IMMP2L: variants seen among roughly 807,000 people sequenced by gnomAD.
The protein encoded by IMMP2L is inner mitochondrial membrane peptidase subunit 2.
A neutral mutation model predicts 19.3 loss-of-function variants in IMMP2L; 18 were observed. That is an observed-to-expected ratio of 0.93 (90% CI 0.64 to 1.38). IMMP2L has a LOEUF of 1.38. Among genes scored for constraint, IMMP2L ranks in the 40% most tolerant of loss-of-function variants. IMMP2L has a pLI of 0.00. For synonymous variants in IMMP2L, 76 were observed against 73.0 expected, an observed-to-expected ratio of 1.04 and a Z score of -0.21; for missense variants, 233 against 218.2, an observed-to-expected ratio of 1.07 and a Z score of -0.43.
chr7:110,802,013 T>G (rs1026639911), intron 5 of IMMP2L, among the ~76,000 whole-genome samples: 2 of 152,034 alleles, frequency 1.3e-5, no homozygotes, highest in African/African-American at 4.8e-5. Flanking sequence ...TATGTCTCCA[T>G]GAAATACATG....
chr7:111,418,139 T>A (rs990609968), intron 3 of IMMP2L, among the ~76,000 whole-genome samples: 8 of 151,934 alleles, frequency 5.3e-5, no homozygotes, highest in African/African-American at 1.9e-4. Flanking sequence ...AATATTATTA[T>A]GATAATGTCA....
chr7:111,185,679 T>C (rs1808192502), intron 3 of IMMP2L, among the ~76,000 whole-genome samples: 1 of 152,122 alleles, frequency 6.6e-6, no homozygotes, highest in African/African-American at 2.4e-5. Context: ...ATGAAAAGAA[T>C]AGCAAGGAGA....
At chr7:110,973,908 G>T (rs1820418855) in intron 3 of IMMP2L, among the ~76,000 whole-genome samples, 1 of 152,052 alleles carries the variant, frequency 6.6e-6, no homozygotes. Context: ...TTTCTTTAAA[G>T]AAAGAGTGGG....
intron 3 of IMMP2L, among the ~76,000 whole-genome samples, chr7:111,267,364 T>C (rs1414277036): frequency 3.9e-5 from 6 of 152,204 alleles, no homozygotes. Flanking sequence ...ATTTATTCAA[T>C]GTCATTATTT....
chr7:111,242,287 T>C (rs1704113383), intron 3 of IMMP2L, among the ~76,000 whole-genome samples: 1 of 152,090 alleles, frequency 6.6e-6, no homozygotes, highest in Admixed American at 6.6e-5. Context: ...AGCAGAAGTA[T>C]ATCAGCTAGG....
At chr7:111,090,177 T>C (rs963810859) in intron 3 of IMMP2L, among the ~76,000 whole-genome samples, 2 of 152,148 alleles carry the variant, frequency 1.3e-5, no homozygotes, top group Non-Finnish European at 2.9e-5. Flanking sequence ...TCATGTATGT[T>C]CTTTCAGAAA....
At chr7:111,364,041 A>G (rs1229629726) in intron 3 of IMMP2L, among the ~76,000 whole-genome samples, 1 of 151,954 alleles carries the variant, frequency 6.6e-6, no homozygotes, top group Non-Finnish European at 1.5e-5. Flanking sequence ...TACACATACA[A>G]TGGGCAAAGG....
chr7:110,687,791 T>G (rs2130509718), intron 5 of IMMP2L, among the ~76,000 whole-genome samples: 1 of 152,076 alleles, frequency 6.6e-6, no homozygotes, highest in Non-Finnish European at 1.5e-5. Flanking sequence ...CAAAAATATA[T>G]CCCTACTCAC....
intron 2 of IMMP2L, among the ~76,000 whole-genome samples, chr7:111,501,157 C>T (rs1186050537): frequency 4.6e-5 from 7 of 151,962 alleles, no homozygotes; most frequent in African/African-American, 1.7e-4. Context: ...AGCCAAGGCT[C>T]GAGAACTACG....
At chr7:111,497,971 G>A (rs899651431) in intron 2 of IMMP2L, among the ~76,000 whole-genome samples, 1 of 151,524 alleles carries the variant, frequency 6.6e-6, no homozygotes, top group African/African-American at 2.4e-5. Context: ...ATTTTTCTAT[G>A]TTTTCTAAGT....
At chr7:111,387,272 T>G (rs1025480967) in intron 3 of IMMP2L, among the ~76,000 whole-genome samples, 1 of 152,134 alleles carries the variant, frequency 6.6e-6, no homozygotes, top group African/African-American at 2.4e-5. Flanking sequence ...GCTCATTTCC[T>G]CTGACCACCA....
chr7:111,306,631 T>C (rs1822905164), intron 3 of IMMP2L, among the ~76,000 whole-genome samples: 1 of 150,978 alleles, frequency 6.6e-6, no homozygotes, highest in Non-Finnish European at 1.5e-5. Flanking sequence ...TGTGTGTGTG[T>C]GTGTGTGTGT....
chr7:111,220,834 A>G (rs1812435549), intron 3 of IMMP2L, among the ~76,000 whole-genome samples: 1 of 151,994 alleles, frequency 6.6e-6, no homozygotes, highest in African/African-American at 2.4e-5. Context: ...TGAAGGCCTG[A>G]GAACCAGGGG....
intron 4 of IMMP2L, among the ~76,000 whole-genome samples, chr7:110,925,409 C>G (rs536855434): frequency 1.7e-4 from 26 of 152,224 alleles, no homozygotes; most frequent in Admixed American, 1.6e-3. Flanking sequence ...TACCAGGACA[C>G]ACACTTGTTT....
chr7:110,851,810 G>A (rs1806250874), intron 5 of IMMP2L, among the ~76,000 whole-genome samples: 2 of 152,072 alleles, frequency 1.3e-5, no homozygotes, highest in Admixed American at 6.6e-5. Flanking sequence ...AAAATGATAA[G>A]ATACATTGAT....
intron 3 of IMMP2L, among the ~76,000 whole-genome samples, chr7:111,273,590 A>T (rs932626601): frequency 1.6e-4 from 25 of 152,060 alleles, no homozygotes; most frequent in Non-Finnish European, 3.7e-4. Flanking sequence ...GGATGCAGGG[A>T]GGTGCACGTG....
rs1265724213 is a variant in IMMP2L at position 111,258,367 on chromosome 7, T to C, written c.239+228871A>G. The stretch of plus-strand genomic sequence containing the variant: ...AAGATCAAGGGTAAAATATAAAATA[T>C]GTTCACAAGGTAGTAGGGCCTTAAT... On this transcript the variant is annotated intron_variant, in intron 3 of 5. Transcript: ENST00000405709. 6.6e-5 allele frequency among the ~76,000 whole-genome samples: 10 copies of C among 152,248 alleles called. No homozygotes were observed. In the East Asian group the frequency reaches 1.4e-3, roughly 21 times the overall value.
At chr7:110,821,010 C>T (rs1802978654) in intron 5 of IMMP2L, among the ~76,000 whole-genome samples, 1 of 152,110 alleles carries the variant, frequency 6.6e-6, no homozygotes. Flanking sequence ...ATCTAATATA[C>T]ACTGAGACCT....
At chr7:110,835,711 A>C (rs533431995) in intron 5 of IMMP2L, among the ~76,000 whole-genome samples, 1 of 151,884 alleles carries the variant, frequency 6.6e-6, no homozygotes, top group South Asian at 2.1e-4. Context: ...TAGAAATGAG[A>C]GCTATGATCT....
Sources: gnomAD v4.1 joint callset for allele counts (sites outside exome capture counted in the v4.1 genomes callset) on GRCh38, gnomAD v4.1.1 for gene constraint, MANE v1.5 for transcripts, NCBI Gene and HGNC (gene_info 2026-07-23, HGNC 2026-07-21) for gene names.